Variants in NBEAL1 observed in about 807,000 individuals in gnomAD.
NBEAL1 encodes the protein neurobeachin like 1.
In NBEAL1, 273 loss-of-function variants were observed where a neutral mutation model predicts 351.3. The observed-to-expected ratio is 0.78, with a 90% CI of 0.70 to 0.86. The LOEUF is 0.86. Among genes scored for constraint, NBEAL1 ranks in the 40% least tolerant of loss-of-function variants. The pLI, the probability that NBEAL1 is intolerant of heterozygous loss-of-function variation, is 0.00. For synonymous variants in NBEAL1, 1,050 were observed against 1,086.4 expected, an observed-to-expected ratio of 0.97 and a Z score of 0.66; for missense variants, 2,961 against 3,201.3, an observed-to-expected ratio of 0.92 and a Z score of 1.81.
At chr2:203,109,118 T>C (rs1473566500) in intron 14 of NBEAL1, among the ~76,000 whole-genome samples, 1 of 151,990 alleles carries the variant, frequency 6.6e-6, no homozygotes, top group Non-Finnish European at 1.5e-5. Flanking sequence ...GCACTTTAAG[T>C]GGTTGAGGTG....
At chr2:203,215,327 C>T (rs1483788280) in intron 55 of NBEAL1, among the ~76,000 whole-genome samples, 1 of 152,038 alleles carries the variant, frequency 6.6e-6, no homozygotes, top group South Asian at 2.1e-4. Context: ...GGTGAAACCT[C>T]GTCTCTACTA....
intron 4 of NBEAL1, among the ~76,000 whole-genome samples, chr2:203,054,489 C>G (rs1020615624): frequency 2.0e-5 from 3 of 151,836 alleles, no homozygotes; most frequent in Non-Finnish European, 2.9e-5. Flanking sequence ...GGCTAAGTCT[C>G]GAATTCCTGG....
intron 18 of NBEAL1, among the ~76,000 whole-genome samples, chr2:203,118,180 CTCAAA>C (rs2062742742): frequency 6.6e-6 from 1 of 152,138 alleles, no homozygotes; most frequent in Non-Finnish European, 1.5e-5. Flanking sequence ...TGACTTTTGT[CTCAAA>C]TCATTTGTGA....
At chr2:203,206,574 C>A (rs1287775864) in intron 51 of NBEAL1, among the ~76,000 whole-genome samples, 2 of 134,570 alleles carry the variant, frequency 1.5e-5, no homozygotes. Context: ...CGCCGCCACG[C>A]CTGACTGGTT....
At chr2:203,018,021 C>G (rs769257875) in intron 2 of NBEAL1, among the ~76,000 whole-genome samples, 2 of 151,886 alleles carry the variant, frequency 1.3e-5, no homozygotes, top group Non-Finnish European at 2.9e-5. Flanking sequence ...TTATTTAAAA[C>G]CGTGATTTTA....
chr2:203,168,444 G>T (rs1232277525), intron 38 of NBEAL1, among the ~76,000 whole-genome samples: 1 of 152,148 alleles, frequency 6.6e-6, no homozygotes, highest in Non-Finnish European at 1.5e-5. Context: ...CTAGCTGGTC[G>T]TGGTGGCACA....
At chr2:203,116,134 C>A in intron 18 of NBEAL1, 64 bp downstream of exon 18, 1 of 1,087,522 alleles carries the variant, frequency 9.2e-7, no homozygotes, top group South Asian at 1.4e-5. Context: ...AGTTCCTTTT[C>A]TATTCCTTTT....
At position 203,019,690 on chromosome 2, in the gene NBEAL1, G is replaced by A. The variant is rs1415246405; in HGVS notation, c.51+3255G>A. On this transcript the variant is annotated intron_variant, in intron 2 of 55. Transcript: ENST00000683969. ...ATATTAAGGTACCTACCATCACAGC[G>A]TTTCTGTCAGGTTTTAAAGTTGTCC... Among the ~76,000 whole-genome samples the A allele has an allele frequency of 3.9e-5, 6 of 152,156 alleles. No individual in the cohort carries two copies. In the South Asian group the frequency reaches 1.2e-3, roughly 31 times the overall value.
chr2:203,110,642 C>T (rs544615541), intron 15 of NBEAL1, among the ~76,000 whole-genome samples: 1 of 147,926 alleles, frequency 6.8e-6, no homozygotes, highest in African/African-American at 2.5e-5. Context: ...CCACTGTACT[C>T]CAGCCTGGGC....
chr2:203,114,499 C>T (rs2062645231), intron 17 of NBEAL1, among the ~76,000 whole-genome samples: 1 of 151,988 alleles, frequency 6.6e-6, no homozygotes. Context: ...TTTGTTTTGG[C>T]TTTTTGTTTT....
intron 31 of NBEAL1, among the ~76,000 whole-genome samples, chr2:203,143,354 G>T (rs1021111914): frequency 6.9e-6 from 1 of 145,286 alleles, no homozygotes; most frequent in African/African-American, 2.9e-5. Flanking sequence ...TTCGGTTTCT[G>T]ATCAAGGACT....
intron 47 of NBEAL1, among the ~76,000 whole-genome samples, chr2:203,195,640 G>T (rs571131967): frequency 1.3e-5 from 2 of 152,308 alleles, no homozygotes; most frequent in East Asian, 3.9e-4. Context: ...ATCAGCAAAG[G>T]GAAAAGGCAC....
At position 203,166,211 on chromosome 2, in the gene NBEAL1, T is replaced by C. The variant is rs779955343; in HGVS notation, c.5777T>C (p.Ile1926Thr). The C allele has an allele frequency of 6.2e-7, 1 of 1,611,244 alleles. No individual in the cohort carries two copies. The highest frequency in any genetic ancestry group is 2.2e-5 in the East Asian group (1 of 44,678). The change falls in exon 37 of 56, where the codon ATT becomes ACT. Residue 1926 changes from isoleucine to threonine, a missense_variant. Transcript: ENST00000683969. ...GTATTGATGGAAGACTGTGAACTCA[T>C]TACAATAATTGATGTAATTCCTGGC... ...KLVLMEDCEL[I>T]TIIDVIPGRL...
chr2:203,167,192 T>C, intron 37 of NBEAL1, 35 bp from the exon 38 acceptor site: 1 of 1,579,988 alleles, frequency 6.3e-7, no homozygotes, highest in Non-Finnish European at 8.6e-7. Flanking sequence ...TAACTTTATA[T>C]GGTATCTCAG....
chr2:203,050,746 A>G (rs1203244556), intron 4 of NBEAL1, among the ~76,000 whole-genome samples: 1 of 152,226 alleles, frequency 6.6e-6, no homozygotes. Flanking sequence ...AGCCTTGCTT[A>G]TGGAAATTCT....
chr2:203,213,703 T>A, intron 55 of NBEAL1, 50 bp downstream of exon 55: 1 of 1,607,394 alleles, frequency 6.2e-7, no homozygotes, highest in Non-Finnish European at 8.5e-7. Context: ...GGGGATTACT[T>A]TGGTTCTCCT....
In NBEAL1 at chr2:203,144,806, C is replaced by T; in HGVS notation, c.5055C>T (p.His1685=). 1 of 1,614,030 alleles carries T rather than the reference C, an allele frequency of 6.2e-7. No homozygotes were observed. Among genetic ancestry groups the T allele is most frequent in the Non-Finnish European group, 8.5e-7 (1 of 1,179,916 alleles). ...KIYELLFMNL[H]LPSLPFTNGS... ...ATGAGCTTCTCTTCATGAACTTGCA[C>T]CTACCTTCTTTACCTTTTACCAATG... Residue 1685 remains histidine (H), a synonymous_variant, in exon 32 of 56, where the codon CAC becomes CAT. Coordinates refer to ENST00000683969, the MANE Select transcript of NBEAL1 (RefSeq NM_001378026.1).
At chr2:203,116,747 A>G (rs2106257523) in intron 18 of NBEAL1, among the ~76,000 whole-genome samples, 1 of 145,844 alleles carries the variant, frequency 6.9e-6, no homozygotes, top group South Asian at 2.2e-4. Flanking sequence ...CTGTGATTGC[A>G]CCATTACGCT....
intron 7 of NBEAL1, 104 bp downstream of exon 7, chr2:203,068,579 A>C: frequency 1.7e-6 from 1 of 594,622 alleles, no homozygotes; most frequent in Non-Finnish European, 2.8e-6. Context: ...TTAATTTATA[A>C]AATAATGGTT....
Sources: allele counts gnomAD v4.1 joint callset (sites outside exome capture counted in the v4.1 genomes callset), GRCh38; gene constraint gnomAD v4.1.1; transcripts MANE v1.5; gene names NCBI Gene and HGNC (gene_info 2026-07-23, HGNC 2026-07-21).